Variants in SCRG1 observed in about 807,000 individuals in gnomAD.
SCRG1 encodes the protein scrapie-responsive protein 1.
A neutral mutation model predicts 7.7 loss-of-function variants in SCRG1; 3 were observed. The ratio of observed to expected loss-of-function variants is 0.39; its 90% CI spans 0.18 to 1.01. The LOEUF (loss-of-function observed/expected upper bound fraction) is 1.01. Ranked by LOEUF, SCRG1 falls within the 50% of genes least tolerant of loss-of-function variation. The probability of loss-of-function intolerance (pLI) is 0.36; values close to 1 mark genes in which losing one functional copy is unlikely to be tolerated. For missense variants in SCRG1, 110 were observed against 117.2 expected (o/e 0.94, Z 0.28); for synonymous variants, 46 against 41.2 (o/e 1.12, Z -0.44).
chr4:173,429,619 G>T, the SCRG1 span, among the ~76,000 whole-genome samples: 1 of 152,122 alleles, frequency 6.6e-6, no homozygotes, highest in African/African-American at 2.4e-5. Context: ...AACCTTGTTC[G>T]TGAGGGGTGA....
upstream of SCRG1, among the ~76,000 whole-genome samples, chr4:173,407,418 C>A (rs1433712695): frequency 1.3e-5 from 2 of 151,638 alleles, no homozygotes; most frequent in Non-Finnish European, 2.9e-5. Context: ...CCCTGTAGTC[C>A]CAGCTACTGG....
chr4:173,394,617 T>C (rs2086476), intron 1 of SCRG1, among the ~76,000 whole-genome samples: 63,129 of 151,932 alleles, frequency 0.42, 14,541 homozygotes, highest in East Asian at 0.61. Context: ...TGCACCTGAG[T>C]CTGGGTGACA....
At chr4:173,424,615 A>G in the SCRG1 span, among the ~76,000 whole-genome samples, 1 of 152,196 alleles carries the variant, frequency 6.6e-6, no homozygotes, top group African/African-American at 2.4e-5. Flanking sequence ...TGCTTAAGAA[A>G]TGTATGAAGC....
At chr4:173,508,842 G>A in the SCRG1 span, among the ~76,000 whole-genome samples, 1 of 152,178 alleles carries the variant, frequency 6.6e-6, no homozygotes, top group East Asian at 1.9e-4. This position sits in a 1 kb window ranked among gnomAD's most constrained non-coding sequence, Gnocchi z 4.4. Context: ...GGCCGAGGTG[G>A]GAATGCCTGC....
At chr4:173,462,513 T>C in the SCRG1 span, among the ~76,000 whole-genome samples, 1 of 152,054 alleles carries the variant, frequency 6.6e-6, no homozygotes, top group Non-Finnish European at 1.5e-5. Context: ...CAATAGAAGT[T>C]GAGGAATTTC....
chr4:173,478,436 C>G, the SCRG1 span, among the ~76,000 whole-genome samples: 4 of 152,156 alleles, frequency 2.6e-5, no homozygotes, highest in South Asian at 8.3e-4. Context: ...CTGTACTTTA[C>G]TAAGCTTGGG....
At chr4:173,483,581 TATGATA>T in the SCRG1 span, among the ~76,000 whole-genome samples, 3 of 84,902 alleles carry the variant, frequency 3.5e-5, 1 homozygote, top group African/African-American at 1.4e-4. Flanking sequence ...ATATAATATA[TATGATA>T]TATTATATTG....
At chr4:173,501,814 A>G in the SCRG1 span, among the ~76,000 whole-genome samples, 1 of 152,186 alleles carries the variant, frequency 6.6e-6, no homozygotes, top group Non-Finnish European at 1.5e-5. The surrounding 1 kb of genome is among the most constrained non-coding windows in gnomAD (Gnocchi z 5.1). Context: ...TGAGGCGGAA[A>G]TGAACTGGAT....
At chr4:173,463,115 T>G in the SCRG1 span, among the ~76,000 whole-genome samples, 2 of 152,264 alleles carry the variant, frequency 1.3e-5, no homozygotes, top group Middle Eastern at 3.4e-3. Context: ...ATAATGACAT[T>G]GAATGTAAAT....
At chr4:173,513,452 G>A in the SCRG1 span, among the ~76,000 whole-genome samples, 16 of 152,308 alleles carry the variant, frequency 1.1e-4, no homozygotes, top group Non-Finnish European at 2.9e-5. Flanking sequence ...CCTAGGTAAA[G>A]CCTTGGGAAG....
At chr4:173,473,596 G>T in the SCRG1 span, among the ~76,000 whole-genome samples, 2 of 152,130 alleles carry the variant, frequency 1.3e-5, no homozygotes, top group Admixed American at 1.3e-4. Context: ...GAAAAGGAAA[G>T]GAGCTTTGTG....
chr4:173,451,671 T>C, the SCRG1 span, among the ~76,000 whole-genome samples: 2 of 144,450 alleles, frequency 1.4e-5, no homozygotes, highest in African/African-American at 5.1e-5. Context: ...TATTTATTTA[T>C]TTATTTATTT....
chr4:173,463,403 T>C, the SCRG1 span, among the ~76,000 whole-genome samples: 1 of 152,112 alleles, frequency 6.6e-6, no homozygotes, highest in African/African-American at 2.4e-5. Flanking sequence ...GTCTCCTGAG[T>C]AGCTGGGACC....
the SCRG1 span, among the ~76,000 whole-genome samples, chr4:173,414,232 G>A: frequency 1.1e-3 from 164 of 152,260 alleles, 1 homozygote; most frequent in East Asian, 0.028. Flanking sequence ...AGCAGCCTGG[G>A]CCTTCCTCCC....
the SCRG1 span, among the ~76,000 whole-genome samples, chr4:173,453,229 T>A: frequency 1.3e-5 from 2 of 152,196 alleles, no homozygotes; most frequent in African/African-American, 4.8e-5. Context: ...AGAGACAGAC[T>A]TCGTTTTCAT....
At chr4:173,518,453 T>A in the SCRG1 span, among the ~76,000 whole-genome samples, 1 of 152,210 alleles carries the variant, frequency 6.6e-6, no homozygotes, top group Non-Finnish European at 1.5e-5. Context: ...TCCAACACAC[T>A]GTTCAGGAAT....
chr4:173,420,998 C>CA, the SCRG1 span, among the ~76,000 whole-genome samples: 3 of 152,100 alleles, frequency 2.0e-5, no homozygotes, highest in East Asian at 5.8e-4. Context: ...CCTTTTACCA[C>CA]AAAAAACAGC....
At chr4:173,485,077 TA>T in the SCRG1 span, among the ~76,000 whole-genome samples, 1 of 8,912 alleles carries the variant, frequency 1.1e-4, no homozygotes, top group African/African-American at 2.7e-4. Context: ...TATTATATAT[TA>T]TATAATATAT....
chr4:173,447,066 G>C, the SCRG1 span, among the ~76,000 whole-genome samples: 5 of 152,182 alleles, frequency 3.3e-5, no homozygotes, highest in African/African-American at 1.2e-4. Context: ...AGGCAGTTCA[G>C]GCTGCCATAA....
Sources: gnomAD v4.1 joint callset for allele counts (sites outside exome capture counted in the v4.1 genomes callset) on GRCh38, gnomAD v4.1.1 for gene constraint, Gnocchi (gnomAD v3.1) non-coding constraint, MANE v1.5 for transcripts, NCBI Gene and HGNC (gene_info 2026-07-23, HGNC 2026-07-21) for gene names.